FYB2: variants seen among roughly 807,000 people sequenced by gnomAD.
FYB2 encodes FYN binding protein 2, also known as FYN-binding protein 2.
Under a neutral mutation model 94.1 loss-of-function variants are expected in FYB2, and 103 were observed. That is an observed-to-expected ratio of 1.09 (90% CI 0.93 to 1.29). The LOEUF (loss-of-function observed/expected upper bound fraction) is 1.29. Ranked by LOEUF, FYB2 falls within the 50% of genes most tolerant of loss-of-function variation. FYB2 has a pLI of 0.00. For synonymous variants in FYB2, 293 were observed against 287.9 expected (o/e 1.02, Z -0.18); for missense variants, 896 against 841.5 (o/e 1.06, Z -0.80).
In FYB2 at chr1:56,754,005, C is replaced by G. The variant is rs540059697; in HGVS notation, c.1131-70G>C. ...TTTAAATGATAGTGTACTGTCCAAT[C>G]CTAAATGAAATGAATGGGAAAAATA... On this transcript the variant is annotated intron_variant, in intron 7 of 19. Coordinates refer to ENST00000343433, the MANE Select transcript of FYB2 (RefSeq NM_001004303.5). 4.3e-6 allele frequency: 4 copies of G among 930,244 alleles called. No individual in the cohort carries two copies. The African/African-American group carries it at 6.6e-5, about 15-fold the overall frequency. 57.6% of individuals were successfully genotyped at this position (930,244 alleles called of 1,614,324 possible).
chr1:56,761,954 T>C (rs1169368154), intron 5 of FYB2: 1 of 152,192 alleles, frequency 6.6e-6, no homozygotes, highest in Non-Finnish European at 1.5e-5. Context: ...CTATGGCAAT[T>C]GGTCCAACAC....
Position 56,792,311 on chromosome 1 carries a change from G to C in FYB2, c.502C>G (p.His168Asp), listed in dbSNP as rs2100975452. ...LLANYGSKAI[H>D]LEGQKGMGLT... Reference sequence around the variant, plus strand: ...CCCATGCCTTTTTGCCCTTCCAGATGGATGGCCTTACTTCCATAGTTGGCA... The same window carrying C: ...CCCATGCCTTTTTGCCCTTCCAGATCGATGGCCTTACTTCCATAGTTGGCA... Residue 168 changes from histidine (H) to aspartate (D), a missense_variant, in exon 2 of 20, where the codon CAT becomes GAT. His to Asp is a moderately conservative substitution (Grantham distance 81, BLOSUM62 -1). Coordinates refer to ENST00000343433, the MANE Select transcript of FYB2 (RefSeq NM_001004303.5). 6.2e-7 allele frequency: 1 copy of C among 1,614,074 alleles called. No homozygotes were observed. The highest frequency in any genetic ancestry group is 1.1e-5 in the South Asian group (1 of 91,070).
At chr1:56,739,870 T>C (rs755989891) in intron 13 of FYB2, among the ~76,000 whole-genome samples, 4 of 152,122 alleles carry the variant, frequency 2.6e-5, no homozygotes, top group Non-Finnish European at 4.4e-5. Context: ...TTGGTAGATG[T>C]ATTAAATGGA....
chr1:56,795,674 G>A (rs1646381839), intron 1 of FYB2, among the ~76,000 whole-genome samples: 1 of 151,436 alleles, frequency 6.6e-6, no homozygotes, highest in Admixed American at 6.6e-5. Context: ...TAATGGTTAT[G>A]AGTTTGTCAG....
chr1:56,759,631 T>C (rs1474326029), intron 5 of FYB2, among the ~76,000 whole-genome samples: 2 of 152,170 alleles, frequency 1.3e-5, no homozygotes, highest in East Asian at 3.9e-4. Flanking sequence ...TAAATACAAG[T>C]AATGACAAGA....
chr1:56,759,562 A>G (rs1380646033), intron 5 of FYB2, among the ~76,000 whole-genome samples: 1 of 152,202 alleles, frequency 6.6e-6, no homozygotes, highest in Admixed American at 6.5e-5. Flanking sequence ...TTATGGGACC[A>G]CGGCTGGATA....
At chr1:56,808,163 T>C (rs547468013) in intron 1 of FYB2, among the ~76,000 whole-genome samples, 1 of 152,096 alleles carries the variant, frequency 6.6e-6, no homozygotes, top group Non-Finnish European at 1.5e-5. Flanking sequence ...TATACAGCAT[T>C]AGAGAAGTGA....
At chr1:56,822,747 T>TAAAA (rs10657945), upstream of FYB2, among the ~76,000 whole-genome samples, 1 of 144,626 alleles carries the variant, frequency 6.9e-6, no homozygotes, top group African/African-American at 2.5e-5. Context: ...TACCCCGATG[T>TAAAA]AAAAAAAAAA....
rs141736393 is a variant in FYB2, at chr1:56,738,872, G to A, written c.1704-219C>T. On this transcript the variant is annotated intron_variant, in intron 13 of 19. Coordinates refer to ENST00000343433, the MANE Select transcript of FYB2 (RefSeq NM_001004303.5). Reference sequence around the variant, plus strand: ...CAAAGGAAATGGGTAATCCAGGTTTGGGAAGAGAAGTTCAGGGGAGACATT... The same window carrying A: ...CAAAGGAAATGGGTAATCCAGGTTTAGGAAGAGAAGTTCAGGGGAGACATT... Among the ~76,000 whole-genome samples the A allele has an allele frequency of 7.0e-3, 1,072 of 152,210 alleles. 8 individuals are homozygous for A. The highest frequency in any genetic ancestry group is 0.012 in the Non-Finnish European group (811 of 67,988).
chr1:56,793,777 G>A (rs1393186050), intron 1 of FYB2, among the ~76,000 whole-genome samples: 1 of 141,088 alleles, frequency 7.1e-6, no homozygotes, highest in Non-Finnish European at 1.5e-5. Flanking sequence ...ACCTGTGGAT[G>A]ACAGACACAG....
At chr1:56,740,547 A>T in intron 13 of FYB2, 150 bp downstream of exon 13, 1 of 460,118 alleles carries the variant, frequency 2.2e-6, no homozygotes, top group Non-Finnish European at 3.9e-6. Context: ...TTCAATCAAA[A>T]ATTCACAAGA....
intron 16 of FYB2, among the ~76,000 whole-genome samples, chr1:56,726,225 G>T (rs1157651168): frequency 6.6e-6 from 1 of 151,992 alleles, no homozygotes; most frequent in Non-Finnish European, 1.5e-5. Context: ...ATTTGTCATT[G>T]TTTGAAAATG....
At chr1:56,735,596 T>G (rs1272856456) in intron 15 of FYB2, among the ~76,000 whole-genome samples, 1 of 152,110 alleles carries the variant, frequency 6.6e-6, no homozygotes, top group African/African-American at 2.4e-5. Context: ...AATCCCCATG[T>G]GTCGAGGGAG....
chr1:56,763,564 A>G (rs1007274376), intron 5 of FYB2, among the ~76,000 whole-genome samples: 4 of 152,070 alleles, frequency 2.6e-5, no homozygotes, highest in African/African-American at 9.7e-5. Context: ...TTCCCTTATT[A>G]TTGTTTTGAT....
intron 4 of FYB2, among the ~76,000 whole-genome samples, chr1:56,785,550 C>T (rs1646114761): frequency 1.3e-5 from 2 of 152,166 alleles, no homozygotes; most frequent in East Asian, 1.9e-4. Context: ...ACATGAATTG[C>T]GTCTAACACC....
rs113458178 is a variant in FYB2 at position 56,775,848 on chromosome 1, TG to T, written c.954-7911del. ...AGACATAATGAGAGAAAAGTATGTCTGCTAGTGGTATAAAAGAGAAGCTCTC... is the reference window on the plus strand; with the variant it reads ...AGACATAATGAGAGAAAAGTATGTCTCTAGTGGTATAAAAGAGAAGCTCTC... On this transcript the variant is annotated intron_variant, in intron 4 of 19. Coordinates refer to ENST00000343433, the MANE Select transcript of FYB2 (RefSeq NM_001004303.5). Among the ~76,000 whole-genome samples the T allele has an allele frequency of 3.7e-3, 568 of 152,332 alleles. 5 individuals are homozygous for T. The highest frequency in any genetic ancestry group is 0.012 in the African/African-American group (488 of 41,584).
intron 3 of FYB2, among the ~76,000 whole-genome samples, chr1:56,787,668 T>C (rs367716081): frequency 6.6e-6 from 1 of 152,192 alleles, no homozygotes; most frequent in Non-Finnish European, 1.5e-5. Flanking sequence ...GTATCCCCAT[T>C]TTACAGATAA....
intron 6 of FYB2, 91 bp from the exon 7 acceptor site, chr1:56,756,018 A>G: frequency 7.8e-7 from 1 of 1,274,070 alleles, no homozygotes; most frequent in Non-Finnish European, 1.1e-6. Context: ...CTACACCAAA[A>G]GGTGAGGGGG....
intron 9 of FYB2, among the ~76,000 whole-genome samples, chr1:56,747,712 G>A (rs762343149): frequency 5.3e-5 from 8 of 152,058 alleles, no homozygotes; most frequent in African/African-American, 1.7e-4. Flanking sequence ...ATAAACATAC[G>A]TGTGCATGTA....
Sources: allele counts gnomAD v4.1 joint callset (sites outside exome capture counted in the v4.1 genomes callset), GRCh38; gene constraint gnomAD v4.1.1; transcripts MANE v1.5; gene names NCBI Gene and HGNC (gene_info 2026-07-23, HGNC 2026-07-21).